The following ARAP1 variants were observed in gnomAD, a reference collection of about 807,000 sequenced individuals.
ARAP1 encodes ArfGAP with RhoGAP domain, ankyrin repeat and PH domain 1, also known as arf-GAP with Rho-GAP domain, ANK repeat and PH domain-containing protein 1.
In ARAP1, 76 loss-of-function variants were observed where a neutral mutation model predicts 172.2. The observed-to-expected ratio is 0.44, with a 90% CI of 0.37 to 0.53. The LOEUF (loss-of-function observed/expected upper bound fraction) is 0.53, where lower values mean the gene tolerates loss of function less well. Among genes scored for constraint, ARAP1 ranks in the 20% least tolerant of loss-of-function variants. The pLI, the probability that ARAP1 is intolerant of heterozygous loss-of-function variation, is 0.00. For missense variants in ARAP1, 1,686 were observed against 1,977.5 expected (o/e 0.85, Z 2.80); for synonymous variants, 804 against 803.3 (o/e 1.00, Z -0.01).
chr11:72,693,608 T>C lies in ARAP1; in HGVS notation c.3808+84A>G, dbSNP rs183300269. The C allele has an allele frequency of 3.9e-6, 6 of 1,535,750 alleles. No homozygotes were observed. The East Asian group carries it at 1.2e-4, about 30-fold the overall frequency. Reference sequence around the variant, plus strand: ...CACTTGGCGCCCTCTGTCTGAGCTGTTCCTACCTGGCACCACCAGGTCCCA... The same window carrying C: ...CACTTGGCGCCCTCTGTCTGAGCTGCTCCTACCTGGCACCACCAGGTCCCA... On this transcript the variant is annotated intron_variant, in intron 28 of 34. Coordinates refer to ENST00000393609, the MANE Select transcript of ARAP1 (RefSeq NM_001040118.3). This position sits in a 1 kb window ranked among gnomAD's most constrained non-coding sequence, Gnocchi z 4.6.
Position 72,725,713 on chromosome 11 carries a change from C to T in ARAP1, c.509+907G>A, listed in dbSNP as rs757006672. ...TCATGTCCTGCTCGTAAAGCCAGTA[C>T]ACAAATCTCCCAGAAGGTCTGCTGC... On this transcript the variant is annotated intron_variant, in intron 3 of 34. Transcript: ENST00000393609. The surrounding 1 kb of genome is among the most constrained non-coding windows in gnomAD (Gnocchi z 4.3). Among the ~76,000 whole-genome samples, 1 of 152,130 alleles carries T rather than the reference C, an allele frequency of 6.6e-6. No individual in the cohort carries two copies. Among genetic ancestry groups the T allele is most frequent in the Admixed American group, 6.5e-5 (1 of 15,282 alleles).
intron 3 of ARAP1, among the ~76,000 whole-genome samples, chr11:72,716,441 C>T (rs1380024211): frequency 3.3e-5 from 5 of 152,256 alleles, no homozygotes; most frequent in African/African-American, 4.8e-5. Flanking sequence ...CAAACGGTGG[C>T]GTGTCAGCCC....
chr11:72,686,248 C>A, intron 33 of ARAP1, 57 bp from the exon 34 acceptor site: 1 of 1,566,820 alleles, frequency 6.4e-7, no homozygotes, highest in South Asian at 1.2e-5. Context: ...GACACTCAGC[C>A]TCAGATCTGC....
chr11:72,699,357 TC>T lies in ARAP1; in HGVS notation c.2438+59del, dbSNP rs1856368191. 3.7e-6 allele frequency: 6 copies of T among 1,605,254 alleles called. No individual in the cohort carries two copies. Among genetic ancestry groups the T allele is most frequent in the Non-Finnish European group, 5.1e-6 (6 of 1,174,012 alleles). On this transcript the variant is annotated intron_variant, in intron 17 of 34. Coordinates refer to ENST00000393609, the MANE Select transcript of ARAP1 (RefSeq NM_001040118.3). The surrounding 1 kb of genome is among the most constrained non-coding windows in gnomAD (Gnocchi z 4.2). Reference sequence around the variant, plus strand: ...CCTTCTCTGGGTCTATTTCCCTGTCTCCCCAGTGGGGGATTGTACCTTATAG... The same window carrying T: ...CCTTCTCTGGGTCTATTTCCCTGTCTCCCAGTGGGGGATTGTACCTTATAG...
At chr11:72,692,140 A>G (rs1855960980) in intron 30 of ARAP1, among the ~76,000 whole-genome samples, 1 of 152,146 alleles carries the variant, frequency 6.6e-6, no homozygotes, top group Non-Finnish European at 1.5e-5. Flanking sequence ...CCATGGGGGC[A>G]TCATGAGATG....
chr11:72,687,402 G>A, intron 33 of ARAP1, 37 bp downstream of exon 33: 1 of 1,613,322 alleles, frequency 6.2e-7, no homozygotes. Flanking sequence ...GAAGCCTCCA[G>A]GGACCCACCC....
intron 30 of ARAP1, 92 bp from the exon 31 acceptor site, chr11:72,688,629 C>T: frequency 9.1e-7 from 1 of 1,097,644 alleles, no homozygotes; most frequent in Non-Finnish European, 1.3e-6. Flanking sequence ...TTCCAACTCC[C>T]CAGCCCTCTT....
rs1009279667 is a variant in ARAP1 at position 72,695,135 on chromosome 11, T to C, written c.3577-38A>G. On this transcript the variant is annotated intron_variant, in intron 26 of 34. Coordinates refer to ENST00000393609, the MANE Select transcript of ARAP1 (RefSeq NM_001040118.3). This position sits in a 1 kb window ranked among gnomAD's most constrained non-coding sequence, Gnocchi z 4.4. ...AGGAGGAGATTAGCCTGCCTGTGCC[T>C]AGCCCCTGCTCTGCCACAACCTTGC... The C allele has an allele frequency of 1.3e-6, 2 of 1,596,626 alleles. No individual in the cohort carries two copies. Among genetic ancestry groups the C allele is most frequent in the Non-Finnish European group, 1.7e-6 (2 of 1,166,248 alleles).
At chr11:72,739,005 C>T (rs1447941422) in intron 1 of ARAP1, among the ~76,000 whole-genome samples, 2 of 152,190 alleles carry the variant, frequency 1.3e-5, no homozygotes, top group African/African-American at 2.4e-5. Flanking sequence ...CTCCAGGCTC[C>T]GCTCACTCAG....
chr11:72,707,317 G>C lies in ARAP1; in HGVS notation c.1581C>G (p.Ala527=), dbSNP rs1221322781. ...CCGAGGTAGACAGGGCCTCAGCGAT[G>C]GCTCCCTGCATGGCCTCCAACCACT... ...KEQWLEAMQG[A]IAEALSTSEV... is the part of the protein sequence containing the mutation. Residue 527 remains alanine, a synonymous_variant, in exon 12 of 35, where the codon GCC becomes GCG. Transcript: ENST00000393609. 2 of 1,613,744 alleles carry C rather than the reference G, an allele frequency of 1.2e-6. No homozygotes were observed.
intron 30 of ARAP1, among the ~76,000 whole-genome samples, chr11:72,691,298 A>T (rs192433385): frequency 6.6e-6 from 1 of 152,200 alleles, no homozygotes; most frequent in East Asian, 1.9e-4. Context: ...GGAACATTAG[A>T]TCTCATCCCT....
chr11:72,713,294 T>C (rs749638781), intron 4 of ARAP1, 51 bp from the exon 5 acceptor site: 11 of 1,543,360 alleles, frequency 7.1e-6, no homozygotes, highest in South Asian at 1.1e-5. Context: ...TGGCCTCCTC[T>C]CCTGGGGCAC....
intron 11 of ARAP1, 70 bp downstream of exon 11, chr11:72,709,800 C>T: frequency 6.5e-7 from 1 of 1,538,804 alleles, no homozygotes; most frequent in Non-Finnish European, 9.0e-7. Context: ...GGGCAGCTTC[C>T]CACGTCGCGC....
chr11:72,692,769 C>G lies in ARAP1; in HGVS notation c.3971G>C (p.Ser1324Thr). 1 of 1,613,804 alleles carries G rather than the reference C, an allele frequency of 6.2e-7. No homozygotes were observed. The highest frequency in any genetic ancestry group is 8.5e-7 in the Non-Finnish European group (1 of 1,180,000). Residue 1324 changes from serine to threonine, a missense_variant, in exon 30 of 35, where the codon AGC becomes ACC. This residue lies in a region of ARAP1 where 379 missense variants were observed against 500.1 expected (regional missense o/e 0.76). Transcript: ENST00000393609. ...YKEVRSQRPW[S>T]GAPETSHRPE... ...GCTACTCACGGTCTCAGGGGCCCCG[C>G]TCCACGGCCTCTGGCTCTGTTTGAT...
intron 30 of ARAP1, among the ~76,000 whole-genome samples, chr11:72,690,751 C>A (rs532300812): frequency 6.6e-6 from 1 of 152,316 alleles, no homozygotes; most frequent in East Asian, 1.9e-4. Flanking sequence ...CAGACAATGA[C>A]GTTTACTCTT....
intron 33 of ARAP1, 30 bp from the exon 34 acceptor site, chr11:72,686,221 C>T (rs1252861243): frequency 6.3e-7 from 1 of 1,597,890 alleles, no homozygotes; most frequent in Non-Finnish European, 8.5e-7. Flanking sequence ...GGGCTGGGCT[C>T]AGCTTCAGTT....
At chr11:72,747,781 G>T (rs1031457696) in intron 1 of ARAP1, among the ~76,000 whole-genome samples, 1 of 152,226 alleles carries the variant, frequency 6.6e-6, no homozygotes, top group Non-Finnish European at 1.5e-5. Flanking sequence ...AGGGCCACGG[G>T]GGCTCAGGAT....
Position 72,710,358 on chromosome 11 carries a change from G to C in ARAP1, c.1416+27C>G, listed in dbSNP as rs752838109. On this transcript the variant is annotated intron_variant, in intron 10 of 34. Coordinates refer to ENST00000393609, the MANE Select transcript of ARAP1 (RefSeq NM_001040118.3). The surrounding 1 kb of genome is among the most constrained non-coding windows in gnomAD (Gnocchi z 4.3). ...GGGCAGGGTAGGTGGACATGGGCAGGGGAGAGGTTCCATGACCCCTTAGCA... is the reference window on the plus strand; with the variant it reads ...GGGCAGGGTAGGTGGACATGGGCAGCGGAGAGGTTCCATGACCCCTTAGCA... 1.6e-5 allele frequency: 25 copies of C among 1,611,866 alleles called. No individual in the cohort carries two copies.
At position 72,721,451 on chromosome 11, in the gene ARAP1, T is replaced by C. The variant is rs1310801195; in HGVS notation, c.509+5169A>G. On this transcript the variant is annotated intron_variant, in intron 3 of 34. Coordinates refer to ENST00000393609, the MANE Select transcript of ARAP1 (RefSeq NM_001040118.3). ...TCCCCAACGAATCCCCAGAGGGGTG[T>C]AGGGAGGTGGGAGCAGAGAAGTAAG... Among the ~76,000 whole-genome samples the C allele has an allele frequency of 8.6e-5, 13 of 151,900 alleles. 1 individual carries two copies. The highest frequency in any genetic ancestry group is 8.5e-4 in the Admixed American group (13 of 15,264).
Sources: allele counts gnomAD v4.1 joint callset (sites outside exome capture counted in the v4.1 genomes callset), GRCh38; gene constraint gnomAD v4.1.1; regional missense constraint gnomAD v4.1.1; non-coding constraint Gnocchi (gnomAD v3.1); transcripts MANE v1.5; gene names NCBI Gene and HGNC (gene_info 2026-07-23, HGNC 2026-07-21).